Variants in YWHAQ observed in about 807,000 individuals in gnomAD.
YWHAQ encodes the protein 14-3-3 protein theta.
In YWHAQ, 6 loss-of-function variants were observed where a neutral mutation model predicts 28.3. The observed-to-expected ratio is 0.21, with a 90% confidence interval of 0.12 to 0.42. The LOEUF is 0.42. Ranked by LOEUF, YWHAQ falls within the 10% of genes least tolerant of loss-of-function variation. The pLI is 1.00. For missense variants in YWHAQ, 201 were observed against 305.6 expected (o/e 0.66, Z 2.55); for synonymous variants, 143 against 119.1 (o/e 1.20, Z -1.31).
chr2:9,622,542 G>A (rs1422537426), intron 2 of YWHAQ, among the ~76,000 whole-genome samples: 1 of 152,080 alleles, frequency 6.6e-6, no homozygotes, highest in East Asian at 1.9e-4. Context: ...TATGCGCCTT[G>A]GCCCCATGCA....
At chr2:9,620,998 GGA>G (rs1399864139) in intron 2 of YWHAQ, among the ~76,000 whole-genome samples, 4 of 152,104 alleles carry the variant, frequency 2.6e-5, no homozygotes, top group Non-Finnish European at 5.9e-5. Flanking sequence ...TTTGTGGGGT[GGA>G]GAGGAGACAA....
intron 2 of YWHAQ, among the ~76,000 whole-genome samples, chr2:9,608,909 C>T (rs1228037391): frequency 1.3e-5 from 2 of 152,106 alleles, no homozygotes; most frequent in Non-Finnish European, 2.9e-5. Context: ...CCACTGCACT[C>T]CAGCCTGAGC....
chr2:9,603,362 C>T (rs1666752727), intron 2 of YWHAQ, among the ~76,000 whole-genome samples: 1 of 151,304 alleles, frequency 6.6e-6, no homozygotes, highest in South Asian at 2.1e-4. Context: ...CCCAACTTCC[C>T]AGGTTCAAGC....
rs192979207 is a variant in YWHAQ, at chr2:9,592,787, T to C, written c.295-1272A>G. On this transcript the variant is annotated intron_variant, in intron 2 of 5. Coordinates refer to ENST00000238081, the MANE Select transcript of YWHAQ (RefSeq NM_006826.4). ...TAAATATTACAAAGCAAAATGAAAT[T>C]CTCATAAAAATGTTAAGATACTAAT... Among the ~76,000 whole-genome samples, 150 of 152,214 alleles carry C rather than the reference T, an allele frequency of 9.9e-4. 4 individuals are homozygous for C. Among genetic ancestry groups the C allele is most frequent in the Admixed American group, 9.7e-3 (148 of 15,276 alleles).
At chr2:9,607,712 T>A in intron 2 of YWHAQ, among the ~76,000 whole-genome samples, 1 of 51,224 alleles carries the variant, frequency 2.0e-5, no homozygotes, top group East Asian at 2.7e-4. Flanking sequence ...ATTCTTCCTC[T>A]TTTTTTTTTT....
chr2:9,621,058 T>C (rs1461860057), intron 2 of YWHAQ, among the ~76,000 whole-genome samples: 2 of 152,184 alleles, frequency 1.3e-5, no homozygotes, highest in Non-Finnish European at 2.9e-5. Context: ...TTTTCCACTG[T>C]CATTTTCTCA....
At chr2:9,587,388 T>G (rs1242110035) in intron 5 of YWHAQ, 26 bp downstream of exon 5, 8 of 1,572,160 alleles carry the variant, frequency 5.1e-6, no homozygotes, top group Non-Finnish European at 6.0e-6. Flanking sequence ...GAAAAGAAAA[T>G]AAAATTAAAA....
At chr2:9,593,946 T>TACACACACAC (rs1391220824) in intron 2 of YWHAQ, among the ~76,000 whole-genome samples, 8 of 118,580 alleles carry the variant, frequency 6.7e-5, no homozygotes, top group Non-Finnish European at 1.3e-4. Flanking sequence ...ACACACACTT[T>TACACACACAC]TTTAAGGGCC....
At chr2:9,602,844 AAAAAAAAAAAAAAAAAAAATATAT>A (rs1208075333) in intron 2 of YWHAQ, among the ~76,000 whole-genome samples, 33 of 39,492 alleles carry the variant, frequency 8.4e-4, no homozygotes, top group Middle Eastern at 0.012. Context: ...AAAAAAAAAA[AAAAAAAAAAAAAAAAAAAATATAT>A]ATATATATAT....
intron 3 of YWHAQ, among the ~76,000 whole-genome samples, chr2:9,588,874 G>A (rs975698188): frequency 6.6e-6 from 1 of 152,320 alleles, no homozygotes; most frequent in East Asian, 1.9e-4. Context: ...TTGGGAAGGT[G>A]AGGCAGGGGG....
intron 2 of YWHAQ, among the ~76,000 whole-genome samples, chr2:9,622,025 G>T (rs939686150): frequency 1.3e-4 from 20 of 152,188 alleles, no homozygotes; most frequent in African/African-American, 4.1e-4. Context: ...ATCACACAGC[G>T]GGGACTGTCA....
At chr2:9,603,116 A>G (rs182672352) in intron 2 of YWHAQ, among the ~76,000 whole-genome samples, 1 of 151,888 alleles carries the variant, frequency 6.6e-6, no homozygotes, top group Admixed American at 6.6e-5. Flanking sequence ...AAACATTCAT[A>G]TAGCTAAAGT....
At position 9,630,411 on chromosome 2, in the gene YWHAQ, C is replaced by T. The variant is rs1461475221; in HGVS notation, c.42G>A (p.Glu14=). The T allele has an allele frequency of 5.0e-6, 8 of 1,613,054 alleles. No homozygotes were observed. The highest frequency in any genetic ancestry group is 5.9e-6 in the Non-Finnish European group (7 of 1,179,988). Reference sequence around the variant, plus strand: ...CCATGTCGTCGTAGCGCTCGGCCTGCTCGGCCAGCTTGGCCTTCTGGATCA... The same window carrying T: ...CCATGTCGTCGTAGCGCTCGGCCTGTTCGGCCAGCTTGGCCTTCTGGATCA... ...TELIQKAKLA[E]QAERYDDMAT... is the part of the protein sequence containing the mutation. The change falls in exon 2 of 6, where the codon GAG becomes GAA. Residue 14 remains glutamate (E), a synonymous_variant. Coordinates refer to ENST00000238081, the MANE Select transcript of YWHAQ (RefSeq NM_006826.4). This position sits in a 1 kb window ranked among gnomAD's most constrained non-coding sequence, Gnocchi z 5.6.
At chr2:9,598,758 T>C (rs1666628157) in intron 2 of YWHAQ, among the ~76,000 whole-genome samples, 1 of 152,174 alleles carries the variant, frequency 6.6e-6, no homozygotes, top group Non-Finnish European at 1.5e-5. Context: ...GTGCTCCCAA[T>C]CTCTTCTGTC....
intron 2 of YWHAQ, among the ~76,000 whole-genome samples, chr2:9,611,155 A>G (rs1666939871): frequency 1.3e-5 from 2 of 152,210 alleles, no homozygotes. Flanking sequence ...GATCCAATGT[A>G]CAGTCTAAAA....
intron 2 of YWHAQ, among the ~76,000 whole-genome samples, chr2:9,598,151 A>G (rs541195970): frequency 1.1e-4 from 16 of 152,136 alleles, no homozygotes; most frequent in Non-Finnish European, 2.1e-4. Context: ...CCTTATAACC[A>G]ATGCGACTGA....
At chr2:9,628,961 A>G (rs1667299377) in intron 2 of YWHAQ, 1 of 148,296 alleles carries the variant, frequency 6.7e-6, no homozygotes, top group Non-Finnish European at 1.5e-5. Flanking sequence ...AGAAAAATAG[A>G]TAGGTTAAAA....
intron 2 of YWHAQ, among the ~76,000 whole-genome samples, chr2:9,617,127 ATTT>A (rs566898850): frequency 1.4e-5 from 2 of 140,196 alleles, no homozygotes; most frequent in East Asian, 2.1e-4. Context: ...CGCCCGGCTA[ATTT>A]TTTTTTTTTT....
intron 2 of YWHAQ, among the ~76,000 whole-genome samples, chr2:9,592,840 T>TA (rs1275946079): frequency 6.6e-6 from 1 of 152,200 alleles, no homozygotes; most frequent in Non-Finnish European, 1.5e-5. Flanking sequence ...GTTTTGAGAA[T>TA]AAAACCAGTA....
Sources: gnomAD v4.1 joint callset for allele counts (sites outside exome capture counted in the v4.1 genomes callset) on GRCh38, gnomAD v4.1.1 for gene constraint, Gnocchi (gnomAD v3.1) non-coding constraint, MANE v1.5 for transcripts, NCBI Gene and HGNC (gene_info 2026-07-23, HGNC 2026-07-21) for gene names.